Variants in CACNA1E observed in about 807,000 individuals in gnomAD.
CACNA1E encodes calcium voltage-gated channel subunit alpha1 E.
CACNA1E carries 40 observed loss-of-function variants against 259.2 expected under a neutral mutation model. That is an observed-to-expected ratio of 0.15 (90% confidence interval 0.12 to 0.20). The LOEUF is 0.20. Ranked by LOEUF, CACNA1E falls within the 10% of genes least tolerant of loss-of-function variation. The pLI, the probability that CACNA1E is intolerant of heterozygous loss-of-function variation, is 1.00. For synonymous variants in CACNA1E, 1,104 were observed against 1,138.5 expected (o/e 0.97, Z 0.61); for missense variants, 1,874 against 3,040.1 (o/e 0.62, Z 9.02).
At chr1:181,671,092 G>A (rs989858520) in intron 7 of CACNA1E, among the ~76,000 whole-genome samples, 5 of 152,084 alleles carry the variant, frequency 3.3e-5, no homozygotes, top group African/African-American at 4.8e-5. Flanking sequence ...GGAGTGCAGC[G>A]GTGCAGTCAT....
intron 2 of CACNA1E, among the ~76,000 whole-genome samples, chr1:181,422,655 A>G (rs1485830343): frequency 6.6e-6 from 1 of 152,154 alleles, no homozygotes; most frequent in Non-Finnish European, 1.5e-5. Flanking sequence ...TAGATTGTGG[A>G]TGAGTACAGC....
At chr1:181,740,975 T>C (rs1656516510) in intron 25 of CACNA1E, among the ~76,000 whole-genome samples, 1 of 152,232 alleles carries the variant, frequency 6.6e-6, no homozygotes, top group Non-Finnish European at 1.5e-5. Flanking sequence ...AAGTCTGCCT[T>C]TGCCCTAAGG....
At chr1:181,555,743 A>G (rs893246474) in intron 3 of CACNA1E, among the ~76,000 whole-genome samples, 2 of 152,230 alleles carry the variant, frequency 1.3e-5, no homozygotes, top group African/African-American at 4.8e-5. Context: ...AGGAAATACA[A>G]GATGATGTAT....
chr1:181,633,088 G>C (rs1223440845), intron 6 of CACNA1E, among the ~76,000 whole-genome samples: 1 of 152,042 alleles, frequency 6.6e-6, no homozygotes, highest in Admixed American at 6.5e-5. Flanking sequence ...GTGTGCTTTG[G>C]GAAGATACAC....
intron 1 of CACNA1E, among the ~76,000 whole-genome samples, chr1:181,393,420 G>C (rs529659749): frequency 2.0e-5 from 3 of 152,118 alleles, no homozygotes; most frequent in Non-Finnish European, 4.4e-5. Context: ...CGTCTTCAAG[G>C]CTTTGAGGAT....
intron 7 of CACNA1E, among the ~76,000 whole-genome samples, chr1:181,682,437 C>G (rs1650069092): frequency 6.6e-6 from 1 of 152,172 alleles, no homozygotes; most frequent in Non-Finnish European, 1.5e-5. Flanking sequence ...TCCCGCCAAG[C>G]TGGTTGCTGG....
At chr1:181,339,974 T>C (rs1308841636) in intron 1 of CACNA1E, among the ~76,000 whole-genome samples, 2 of 152,116 alleles carry the variant, frequency 1.3e-5, no homozygotes, top group African/African-American at 4.8e-5. Context: ...TTTCATACAG[T>C]TGAATGTATC....
chr1:181,708,009 A>G (rs1652963116), intron 7 of CACNA1E, among the ~76,000 whole-genome samples: 1 of 152,162 alleles, frequency 6.6e-6, no homozygotes, highest in South Asian at 2.1e-4. Flanking sequence ...GGACCCAAAG[A>G]GAAGAGGCAA....
intron 36 of CACNA1E, 60 bp from the exon 37 acceptor site, chr1:181,772,006 C>CAAG: frequency 6.6e-7 from 1 of 1,514,918 alleles, no homozygotes. Flanking sequence ...GAAAGAGGAC[C>CAAG]AAGAATATGA....
chr1:181,388,386 G>A (rs1249693712), intron 1 of CACNA1E, among the ~76,000 whole-genome samples: 3 of 152,172 alleles, frequency 2.0e-5, no homozygotes, highest in Non-Finnish European at 4.4e-5. Flanking sequence ...ATCGCTAGGT[G>A]ATTTTGTCAT....
At chr1:181,775,758 G>A (rs867353893) in intron 37 of CACNA1E, among the ~76,000 whole-genome samples, 10 of 152,194 alleles carry the variant, frequency 6.6e-5, no homozygotes, top group African/African-American at 2.2e-4. Flanking sequence ...GAACCATCGT[G>A]TTCATTTGTA....
chr1:181,492,801 C>G (rs1215631655), intron 1 of CACNA1E, among the ~76,000 whole-genome samples: 2 of 152,186 alleles, frequency 1.3e-5, no homozygotes, highest in African/African-American at 4.8e-5. Flanking sequence ...TATTTTCCTG[C>G]TCTTTTTTAC....
intron 7 of CACNA1E, among the ~76,000 whole-genome samples, chr1:181,682,751 A>C (rs1246753535): frequency 1.3e-5 from 2 of 152,178 alleles, no homozygotes; most frequent in Non-Finnish European, 2.9e-5. Flanking sequence ...CAGTAGGAAG[A>C]GAGTGAGTGA....
At chr1:181,322,291 G>C (rs1355553696) in intron 1 of CACNA1E, among the ~76,000 whole-genome samples, 1 of 152,146 alleles carries the variant, frequency 6.6e-6, no homozygotes, top group East Asian at 1.9e-4. Context: ...GAGCAGTGGG[G>C]GAAGAGGGTG....
intron 30 of CACNA1E, among the ~76,000 whole-genome samples, 196 bp from the exon 31 acceptor site, chr1:181,757,751 A>T (rs1658211402): frequency 6.6e-6 from 1 of 151,994 alleles, no homozygotes; most frequent in Non-Finnish European, 1.5e-5. Context: ...ATGTGGCAAC[A>T]CCTCCAGTTT....
intron 6 of CACNA1E, among the ~76,000 whole-genome samples, chr1:181,614,904 T>C (rs1572384519): frequency 6.6e-6 from 1 of 152,234 alleles, no homozygotes; most frequent in South Asian, 2.1e-4. Flanking sequence ...TTCCAATATA[T>C]TTATTGAAAA....
intron 3 of CACNA1E, among the ~76,000 whole-genome samples, chr1:181,554,477 G>T (rs1433458977): frequency 6.6e-6 from 1 of 152,110 alleles, no homozygotes; most frequent in Non-Finnish European, 1.5e-5. Context: ...CATTTTCCTA[G>T]TCTGTTTGTC....
At chr1:181,539,593 A>G (rs1450812035) in intron 3 of CACNA1E, among the ~76,000 whole-genome samples, 1 of 152,196 alleles carries the variant, frequency 6.6e-6, no homozygotes, top group African/African-American at 2.4e-5. Context: ...TTTTACCACT[A>G]CTAATGCTCT....
chr1:181,716,063 A>T lies in CACNA1E; in HGVS notation c.1249A>T (p.Arg417Trp). 6.4e-7 allele frequency: 1 copy of T among 1,572,124 alleles called. No individual in the cohort carries two copies. Among genetic ancestry groups the T allele is most frequent in the South Asian group, 1.2e-5 (1 of 85,144 alleles). ...AGTGCTTCGAAGGGCAACCATCAAG[A>T]GGAGCCGGACAGAGGCCATGACTCG... ...LEVLRRATIK[R>W]SRTEAMTRDS... Residue 417 changes from arginine to tryptophan, a missense_variant, in exon 10 of 48, where the codon AGG (arginine) becomes TGG (tryptophan). By Grantham distance (101) the Arg-to-Trp change is moderately radical. Coordinates refer to ENST00000367573, the MANE Select transcript of CACNA1E (RefSeq NM_001205293.3).
Sources: gnomAD v4.1 joint callset for allele counts (sites outside exome capture counted in the v4.1 genomes callset) on GRCh38, gnomAD v4.1.1 for gene constraint, MANE v1.5 for transcripts, NCBI Gene and HGNC (gene_info 2026-07-23, HGNC 2026-07-21) for gene names.